The following TTC28 variants were observed in gnomAD, a reference collection of about 807,000 sequenced individuals.
The protein encoded by TTC28 is tetratricopeptide repeat protein 28.
Under a neutral mutation model 198.0 loss-of-function variants are expected in TTC28, and 61 were observed. The observed-to-expected ratio is 0.31, with a 90% CI of 0.25 to 0.38. The LOEUF (loss-of-function observed/expected upper bound fraction) is 0.38, where lower values mean the gene tolerates loss of function less well. Among genes scored for constraint, TTC28 ranks in the 10% least tolerant of loss-of-function variants. The probability of loss-of-function intolerance (pLI) is 1.00; values close to 1 mark genes in which losing one functional copy is unlikely to be tolerated. For synonymous variants in TTC28, 1,171 were observed against 1,297.8 expected (o/e 0.90, Z 2.10); for missense variants, 2,678 against 3,164.0 (o/e 0.85, Z 3.69).
At chr22:28,586,735 T>G (rs1483978981) in intron 2 of TTC28, among the ~76,000 whole-genome samples, 1 of 152,170 alleles carries the variant, frequency 6.6e-6, no homozygotes, top group Non-Finnish European at 1.5e-5. Context: ...GATCTTGATG[T>G]TTAGCTAATA....
chr22:28,235,141 T>A (rs1477362066), intron 5 of TTC28, among the ~76,000 whole-genome samples: 1 of 152,238 alleles, frequency 6.6e-6, no homozygotes, highest in African/African-American at 2.4e-5. Flanking sequence ...GTGGCAAAGC[T>A]GCCACCAGCC....
intron 12 of TTC28, among the ~76,000 whole-genome samples, chr22:28,090,968 T>G (rs1194828701): frequency 6.6e-6 from 1 of 152,136 alleles, no homozygotes; most frequent in Non-Finnish European, 1.5e-5. Flanking sequence ...AAGGGGAAGA[T>G]CTAGGCTACT....
Position 28,603,082 on chromosome 22 carries a change from C to T in TTC28, c.381+26470G>A, listed in dbSNP as rs866867496. ...TTTTAGTAGAGACGGGGTTTCACCA[C>T]GTTGGCCAGGATGATCTCAATCTCT... is the stretch of plus-strand genomic sequence containing the variant. On this transcript the variant is annotated intron_variant, in intron 2 of 22. Coordinates refer to ENST00000397906, the MANE Select transcript of TTC28 (RefSeq NM_001145418.2). Among the ~76,000 whole-genome samples the T allele has an allele frequency of 8.0e-4, 121 of 152,070 alleles. 2 individuals carry two copies. The highest frequency in any genetic ancestry group is 1.9e-4 in the Non-Finnish European group (13 of 67,978).
At chr22:28,576,082 GAA>G (rs1405559830) in intron 2 of TTC28, among the ~76,000 whole-genome samples, 1 of 152,058 alleles carries the variant, frequency 6.6e-6, no homozygotes. Flanking sequence ...GATCTAAGAT[GAA>G]AGTCTTTCGA....
chr22:28,313,366 G>A (rs576889727), intron 2 of TTC28, among the ~76,000 whole-genome samples: 1 of 152,232 alleles, frequency 6.6e-6, no homozygotes, highest in East Asian at 1.9e-4. Context: ...ATTTTATGAG[G>A]CCAGCATCAT....
chr22:28,086,978 A>G (rs1008998460), intron 12 of TTC28, among the ~76,000 whole-genome samples: 1 of 152,126 alleles, frequency 6.6e-6, no homozygotes, highest in Non-Finnish European at 1.5e-5. Context: ...TTGAATATCT[A>G]AATAGACCAA....
Position 28,015,560 on chromosome 22 carries a change from C to T in TTC28, c.4074-1168G>A, listed in dbSNP as rs1013806664. 1.1e-4 allele frequency among the ~76,000 whole-genome samples: 17 copies of T among 151,922 alleles called. No individual in the cohort carries two copies. The East Asian group carries it at 3.1e-3, about 28-fold the overall frequency. ...GCCTCAGCCTCCTGAGGAGTTGGGTCCACAGTTATGTACCACAACACCTAG... is the reference window on the plus strand; with the variant it reads ...GCCTCAGCCTCCTGAGGAGTTGGGTTCACAGTTATGTACCACAACACCTAG... On this transcript the variant is annotated intron_variant, in intron 13 of 22. Coordinates refer to ENST00000397906, the MANE Select transcript of TTC28 (RefSeq NM_001145418.2).
intron 13 of TTC28, among the ~76,000 whole-genome samples, chr22:28,016,481 C>T (rs983045536): frequency 6.6e-5 from 10 of 152,200 alleles, no homozygotes; most frequent in African/African-American, 2.4e-4. Flanking sequence ...AGCAGATGGG[C>T]AGCAGCAGGA....
chr22:28,588,731 G>A (rs538860269), intron 2 of TTC28, among the ~76,000 whole-genome samples: 1 of 152,210 alleles, frequency 6.6e-6, no homozygotes, highest in South Asian at 2.1e-4. Flanking sequence ...CTGCAAATGA[G>A]TCTGTCTAGC....
intron 2 of TTC28, among the ~76,000 whole-genome samples, chr22:28,475,640 T>C (rs1412594084): frequency 6.6e-6 from 1 of 152,240 alleles, no homozygotes; most frequent in Admixed American, 6.5e-5. Flanking sequence ...TATTCTTATT[T>C]ATATTCCAAG....
At chr22:28,289,306 C>T (rs1194591747) in intron 5 of TTC28, among the ~76,000 whole-genome samples, 1 of 152,118 alleles carries the variant, frequency 6.6e-6, no homozygotes, top group Non-Finnish European at 1.5e-5. Flanking sequence ...ATAAAAAATA[C>T]TTTGGAGTTA....
intron 2 of TTC28, among the ~76,000 whole-genome samples, chr22:28,553,049 G>A (rs1430248407): frequency 6.6e-6 from 1 of 152,256 alleles, no homozygotes; most frequent in East Asian, 1.9e-4. Flanking sequence ...TCGGCCTCCC[G>A]AGGTGCCGGG....
chr22:28,137,159 T>C (rs971631807), intron 6 of TTC28, among the ~76,000 whole-genome samples: 2 of 152,278 alleles, frequency 1.3e-5, no homozygotes, highest in South Asian at 2.1e-4. Flanking sequence ...GGAGCCCCTA[T>C]GGAGAGACCT....
At chr22:28,532,317 T>C (rs1601525201) in intron 2 of TTC28, among the ~76,000 whole-genome samples, 1 of 152,124 alleles carries the variant, frequency 6.6e-6, no homozygotes, top group Non-Finnish European at 1.5e-5. Context: ...AAGAAATAGA[T>C]AAATTCCTGG....
intron 2 of TTC28, among the ~76,000 whole-genome samples, chr22:28,439,232 A>T (rs1393676624): frequency 1.3e-5 from 2 of 152,234 alleles, no homozygotes; most frequent in Non-Finnish European, 2.9e-5. Context: ...AGATATATGC[A>T]CAAGGAGACC....
intron 1 of TTC28, among the ~76,000 whole-genome samples, chr22:28,638,741 A>G (rs1201848436): frequency 3.3e-5 from 5 of 152,254 alleles, no homozygotes; most frequent in Admixed American, 3.3e-4. Context: ...ACTTAAAGAC[A>G]ATATTTTTTT....
chr22:28,593,502 TAGG>T (rs1321630568), intron 2 of TTC28, among the ~76,000 whole-genome samples: 1 of 151,808 alleles, frequency 6.6e-6, no homozygotes, highest in Non-Finnish European at 1.5e-5. Context: ...GGTAGGTAGG[TAGG>T]TAGGTAGGTA....
At chr22:28,282,962 TCAG>T (rs2044613280) in intron 5 of TTC28, among the ~76,000 whole-genome samples, 1 of 152,188 alleles carries the variant, frequency 6.6e-6, no homozygotes, top group African/African-American at 2.4e-5. Context: ...AATTATTTTA[TCAG>T]CAGAAGAAAA....
intron 5 of TTC28, among the ~76,000 whole-genome samples, chr22:28,202,219 T>C (rs944979407): frequency 9.9e-5 from 15 of 152,134 alleles, no homozygotes; most frequent in Admixed American, 7.2e-4. Context: ...TTCAAAATCA[T>C]GCTTTTATTC....
Sources: gnomAD v4.1 joint callset for allele counts (sites outside exome capture counted in the v4.1 genomes callset) on GRCh38, gnomAD v4.1.1 for gene constraint, MANE v1.5 for transcripts, NCBI Gene and HGNC (gene_info 2026-07-23, HGNC 2026-07-21) for gene names.